RBM27: variants seen among roughly 807,000 people sequenced by gnomAD.
RBM27 encodes the protein RNA-binding protein 27.
Under a neutral mutation model 135.3 loss-of-function variants are expected in RBM27, and 22 were observed. That is an observed-to-expected ratio of 0.16 (90% CI 0.12 to 0.23). The LOEUF (loss-of-function observed/expected upper bound fraction) is 0.23, where lower values mean the gene tolerates loss of function less well. RBM27 is among the 10% of genes least tolerant of loss of function. The pLI, the probability that RBM27 is intolerant of heterozygous loss-of-function variation, is 1.00. For missense variants in RBM27, 1,009 were observed against 1,281.0 expected, an observed-to-expected ratio of 0.79 and a Z score of 3.24; for synonymous variants, 481 against 442.4, an observed-to-expected ratio of 1.09 and a Z score of -1.10.
Position 146,271,653 on chromosome 5 carries a change from A to C in RBM27, c.2967A>C (p.Glu989Asp). 1 of 1,613,344 alleles carries C rather than the reference A, an allele frequency of 6.2e-7. No individual in the cohort carries two copies. The highest frequency in any genetic ancestry group is 1.1e-5 in the South Asian group (1 of 91,010). Residue 989 changes from glutamate (E) to aspartate (D), a missense_variant, in exon 19 of 21, where the codon GAA becomes GAC. Glu to Asp is a conservative substitution (Grantham distance 45). Transcript: ENST00000265271. ...GAGGATTCATTGAGGAAGAAAAAGA[A>C]GACTTGCTTCAGCATTTCTCAGTAA... is the stretch of plus-strand genomic sequence containing the variant. The part of the protein sequence containing the change: ...TVGGFIEEEK[E>D]DLLQHFSTAN...
rs769121935 is a variant in RBM27 at position 146,229,044 on chromosome 5, G to A, written c.395+7G>A. On this transcript the variant is annotated splice_region_variant and intron_variant, in intron 4 of 20. Coordinates refer to ENST00000265271, the MANE Select transcript of RBM27 (RefSeq NM_018989.2). Reference sequence around the variant, plus strand: ...CAGAATCTAGTGAACGAAGGTTTGTGTTTATCTTTAATTAGGAAGACATTG... The same window carrying A: ...CAGAATCTAGTGAACGAAGGTTTGTATTTATCTTTAATTAGGAAGACATTG... 3.1e-6 allele frequency: 5 copies of A among 1,610,122 alleles called. No homozygotes were observed. The South Asian group carries it at 4.4e-5, about 14-fold the overall frequency.
At chr5:146,233,960 C>T (rs957033146) in intron 7 of RBM27, among the ~76,000 whole-genome samples, 1 of 152,040 alleles carries the variant, frequency 6.6e-6, no homozygotes, top group African/African-American at 2.4e-5. Context: ...TGTGTAGTGG[C>T]CTAACCTATA....
chr5:146,222,913 A>G (rs1756517388), intron 2 of RBM27, among the ~76,000 whole-genome samples: 1 of 152,178 alleles, frequency 6.6e-6, no homozygotes, highest in African/African-American at 2.4e-5. Context: ...CCAACAATAT[A>G]AAGGTATACC....
intron 8 of RBM27, among the ~76,000 whole-genome samples, chr5:146,243,658 A>G (rs1757502873): frequency 6.6e-6 from 1 of 152,368 alleles, no homozygotes; most frequent in East Asian, 1.9e-4. Flanking sequence ...AAAAAGCTAT[A>G]TGTATGTTTT....
At chr5:146,283,624 G>A (rs938978976) in intron 19 of RBM27, among the ~76,000 whole-genome samples, 4 of 152,238 alleles carry the variant, frequency 2.6e-5, no homozygotes, top group African/African-American at 9.6e-5. Context: ...CATAATGTTT[G>A]GTGTTAGGTT....
In RBM27 at chr5:146,224,799, G is replaced by A. The variant is rs1043727280; in HGVS notation, c.303+1272G>A. 4.6e-5 allele frequency among the ~76,000 whole-genome samples: 7 copies of A among 152,066 alleles called. No homozygotes were observed. The East Asian group carries it at 5.8e-4, about 13-fold the overall frequency. On this transcript the variant is annotated intron_variant, in intron 3 of 20. Coordinates refer to ENST00000265271, the MANE Select transcript of RBM27 (RefSeq NM_018989.2). ...TCCTTATGTTGCCCAGGTTGGTCTC[G>A]AACTCCCACCTCTGCCTCCCAAAGC... is the stretch of plus-strand genomic sequence containing the variant.
chr5:146,263,705 A>C, intron 14 of RBM27, 74 bp downstream of exon 14: 1 of 1,487,848 alleles, frequency 6.7e-7, no homozygotes. Flanking sequence ...GTTATCATTC[A>C]GACAGTGAAG....
intron 2 of RBM27, among the ~76,000 whole-genome samples, chr5:146,220,702 A>C (rs918436159): frequency 6.6e-6 from 1 of 152,084 alleles, no homozygotes; most frequent in Non-Finnish European, 1.5e-5. Context: ...TGTAGAAACA[A>C]AGCAATACTG....
At chr5:146,223,371 C>T (rs17104322) in intron 2 of RBM27, 32 bp from the exon 3 acceptor site, 103,456 of 1,550,634 alleles carry the variant, frequency 0.067, 3,842 homozygotes, top group African/African-American at 0.077. Flanking sequence ...TTTTTGTTTG[C>T]GCAATATGTA....
At chr5:146,284,801 A>C in intron 20 of RBM27, 69 bp downstream of exon 20, 2 of 919,606 alleles carry the variant, frequency 2.2e-6, no homozygotes, top group Non-Finnish European at 3.3e-6. Flanking sequence ...TTATGATATT[A>C]AATAGTATAA....
At chr5:146,279,982 G>A (rs7724811) in intron 19 of RBM27, among the ~76,000 whole-genome samples, 57,514 of 151,622 alleles carry the variant, frequency 0.38, 11,458 homozygotes, top group African/African-American at 0.49. Context: ...AAATGTGATC[G>A]TATTATACAT....
At chr5:146,259,566 T>C (rs1355172582) in intron 11 of RBM27, among the ~76,000 whole-genome samples, 1 of 151,986 alleles carries the variant, frequency 6.6e-6, no homozygotes, top group Non-Finnish European at 1.5e-5. Flanking sequence ...GTTAGAGTCT[T>C]TGATAATTGT....
Position 146,233,661 on chromosome 5 carries a change from T to C in RBM27, c.1062T>C (p.Gly354=). 1 of 1,563,146 alleles carries C rather than the reference T, an allele frequency of 6.4e-7. No individual in the cohort carries two copies. Among genetic ancestry groups the C allele is most frequent in the Non-Finnish European group, 8.6e-7 (1 of 1,165,066 alleles). ...GTCCAGGCCCAGGCCCGGGCCCAGG[T>C]CCAGGTCCTGGCCATAGTATGAGAC... is the stretch of plus-strand genomic sequence containing the variant. ...GPGPGPGPGP[G]PGPGHSMRLP... is the part of the protein sequence containing the mutation. Residue 354 remains glycine (G), a synonymous_variant, in exon 7 of 21, where the codon GGT becomes GGC. Coordinates refer to ENST00000265271, the MANE Select transcript of RBM27 (RefSeq NM_018989.2).
At chr5:146,264,353 T>G (rs1758525289) in intron 14 of RBM27, among the ~76,000 whole-genome samples, 1 of 151,868 alleles carries the variant, frequency 6.6e-6, no homozygotes, top group African/African-American at 2.4e-5. Flanking sequence ...CCAGCTGATT[T>G]TGTATTTTTA....
Position 146,211,025 on chromosome 5 carries a change from C to T in RBM27, c.59+7201C>T, listed in dbSNP as rs1420199138. Among the ~76,000 whole-genome samples, 4 of 151,974 alleles carry T rather than the reference C, an allele frequency of 2.6e-5. No individual in the cohort carries two copies. The East Asian group carries it at 7.7e-4, about 29-fold the overall frequency. On this transcript the variant is annotated intron_variant, in intron 1 of 20. Transcript: ENST00000265271. ...TGTGGGCTCATGCCTGTCATCCCAGCACTTTAGGAGGCTGAGGTGGGTGGA... is the reference window on the plus strand; with the variant it reads ...TGTGGGCTCATGCCTGTCATCCCAGTACTTTAGGAGGCTGAGGTGGGTGGA...
intron 14 of RBM27, among the ~76,000 whole-genome samples, chr5:146,265,852 A>G (rs962238787): frequency 6.6e-6 from 1 of 152,342 alleles, no homozygotes; most frequent in Middle Eastern, 3.4e-3. Flanking sequence ...TAGAAGATAG[A>G]TAAGACTAAG....
chr5:146,241,966 T>G (rs1435504423), intron 8 of RBM27, among the ~76,000 whole-genome samples: 1 of 152,146 alleles, frequency 6.6e-6, no homozygotes, highest in Non-Finnish European at 1.5e-5. Context: ...AGTTTTAAAA[T>G]TTTTAGTAGG....
chr5:146,208,334 A>T (rs1561520001), intron 1 of RBM27, among the ~76,000 whole-genome samples: 1 of 152,104 alleles, frequency 6.6e-6, no homozygotes, highest in Non-Finnish European at 1.5e-5. Flanking sequence ...GGGCTATTAG[A>T]GCTTATCTGT....
At chr5:146,249,991 C>T (rs1757812646) in intron 8 of RBM27, among the ~76,000 whole-genome samples, 1 of 152,116 alleles carries the variant, frequency 6.6e-6, no homozygotes, top group Non-Finnish European at 1.5e-5. Context: ...TTGTTACTTC[C>T]TCTTTTGCTT....
Sources: gnomAD v4.1 joint callset for allele counts (sites outside exome capture counted in the v4.1 genomes callset) on GRCh38, gnomAD v4.1.1 for gene constraint, MANE v1.5 for transcripts, NCBI Gene and HGNC (gene_info 2026-07-23, HGNC 2026-07-21) for gene names.